CLTCL1: variants seen among roughly 807,000 people sequenced by gnomAD.
The protein encoded by CLTCL1 is clathrin heavy chain like 1, also known as clathrin heavy chain 2.
In CLTCL1, 159 loss-of-function variants were observed where a neutral mutation model predicts 190.0. That is an observed-to-expected ratio of 0.84 (90% CI 0.74 to 0.95). CLTCL1 has a LOEUF of 0.95. Among genes scored for constraint, CLTCL1 ranks in the 40% least tolerant of loss-of-function variants. The pLI, the probability that CLTCL1 is intolerant of heterozygous loss-of-function variation, is 0.00. For missense variants in CLTCL1, 1,878 were observed against 2,033.4 expected (o/e 0.92, Z 1.47); for synonymous variants, 752 against 769.6 (o/e 0.98, Z 0.38).
chr22:19,250,293 T>C (rs1202039404), intron 3 of CLTCL1, among the ~76,000 whole-genome samples: 1 of 151,004 alleles, frequency 6.6e-6, no homozygotes, highest in East Asian at 1.9e-4. Flanking sequence ...ACAAAACCTG[T>C]TTTTTGGGCA....
At chr22:19,228,500 T>A (rs754328508) in intron 11 of CLTCL1, among the ~76,000 whole-genome samples, 2 of 152,236 alleles carry the variant, frequency 1.3e-5, no homozygotes, top group Admixed American at 1.3e-4. Flanking sequence ...CACAAAGTCA[T>A]GAGAGTCCAG....
At chr22:19,249,668 C>T (rs1190104542) in intron 3 of CLTCL1, among the ~76,000 whole-genome samples, 1 of 151,888 alleles carries the variant, frequency 6.6e-6, no homozygotes, top group Non-Finnish European at 1.5e-5. Context: ...TGCACTCCAG[C>T]CTGGACAACA....
rs2084357560 is a variant in CLTCL1 at position 19,187,669 on chromosome 22, C to T, written c.4494G>A (p.Gln1498=). 6.2e-7 allele frequency: 1 copy of T among 1,613,884 alleles called. No individual in the cohort carries two copies. Among genetic ancestry groups the T allele is most frequent in the Non-Finnish European group, 8.5e-7 (1 of 1,179,898 alleles). ...ACTCCATCAGCTGATGCTTCTCCAG[C>T]TGCTGAGCCAGGCTGATGTTGTCAA... ...DNFDNISLAQ[Q]LEKHQLMEFR... The change falls in exon 29 of 33, where the codon CAG becomes CAA. Residue 1498 remains glutamine, a synonymous_variant. Transcript: ENST00000427926.
At chr22:19,230,084 AG>A in intron 10 of CLTCL1, 109 bp from the exon 11 acceptor site, 1 of 796,424 alleles carries the variant, frequency 1.3e-6, no homozygotes, top group African/African-American at 2.0e-5. Flanking sequence ...TTCAGCAATT[AG>A]TTCCCTCCCT....
At chr22:19,291,031 T>C (rs2088096726) in intron 1 of CLTCL1, among the ~76,000 whole-genome samples, 1 of 152,208 alleles carries the variant, frequency 6.6e-6, no homozygotes, top group Admixed American at 6.5e-5. Context: ...CTTATGTTTC[T>C]GAACACAAAC....
intron 23 of CLTCL1, among the ~76,000 whole-genome samples, chr22:19,200,427 G>A (rs1555938587): frequency 6.6e-6 from 1 of 152,202 alleles, no homozygotes; most frequent in African/African-American, 2.4e-5. Context: ...CATAAACACA[G>A]TGGAATTACA....
Position 19,226,434 on chromosome 22 carries a change from T to A in CLTCL1, c.1783-51A>T, listed in dbSNP as rs2085749669. Reference sequence around the variant, plus strand: ...AGCCCTGATCAATGGCAATAACTTTTTAAGACCAGCTGCTCAATCTTGCCC... The same window carrying A: ...AGCCCTGATCAATGGCAATAACTTTATAAGACCAGCTGCTCAATCTTGCCC... On this transcript the variant is annotated intron_variant, in intron 11 of 32. Transcript: ENST00000427926. 9.4e-6 allele frequency: 15 copies of A among 1,604,176 alleles called. No homozygotes were observed. In the South Asian group the frequency reaches 1.6e-4, roughly 17 times the overall value.
chr22:19,239,351 T>C lies in CLTCL1; in HGVS notation c.719A>G (p.Asn240Ser), dbSNP rs147685377. 2.9e-3 allele frequency: 4,713 copies of C among 1,613,986 alleles called. 11 individuals are homozygous for C. The highest frequency in any genetic ancestry group is 3.7e-3 in the Non-Finnish European group (4,326 of 1,179,856). The change falls in exon 5 of 33, where the codon AAC becomes AGC. Residue 240 changes from asparagine to serine, a missense_variant. Coordinates refer to ENST00000427926, the MANE Select transcript of CLTCL1 (RefSeq NM_007098.4). The stretch of plus-strand genomic sequence containing the variant: ...TACTGCTTTCTTTACAAAAGGTTGG[T>C]TTCCCGCTGCAGGCTGTCCAACTTC... ...IIEVGQPAAG[N>S]QPFVKKAVDV...
At chr22:19,205,546 T>G (rs1320345414) in intron 22 of CLTCL1, among the ~76,000 whole-genome samples, 1 of 152,190 alleles carries the variant, frequency 6.6e-6, no homozygotes, top group African/African-American at 2.4e-5. Context: ...TTGCCAGACA[T>G]TGGCTTTTGA....
intron 19 of CLTCL1, among the ~76,000 whole-genome samples, chr22:19,213,138 A>C (rs1256032102): frequency 6.6e-6 from 1 of 152,266 alleles, no homozygotes; most frequent in Admixed American, 6.5e-5. Context: ...AAAACCAAAC[A>C]ACCCAATTAA....
At chr22:19,213,304 T>TA (rs148667336) in intron 19 of CLTCL1, among the ~76,000 whole-genome samples, 3 of 152,084 alleles carry the variant, frequency 2.0e-5, no homozygotes, top group East Asian at 1.9e-4. Context: ...CTGGCTAAGA[T>TA]AAAAAAATAC....
chr22:19,220,037 C>T (rs1422391875), intron 17 of CLTCL1, 30 bp from the exon 18 acceptor site: 23 of 1,613,104 alleles, frequency 1.4e-5, no homozygotes, highest in Non-Finnish European at 1.9e-5. Flanking sequence ...GTGTGTGACA[C>T]AGCAGCCAAC....
rs1307940192 is a variant in CLTCL1, at chr22:19,234,600, C to T, written c.1076G>A (p.Gly359Glu). Residue 359 changes from glycine to glutamate, a missense_variant, in exon 7 of 33, where the codon GGG (glycine) becomes GAG (glutamate). Physicochemically the swap from Gly to Glu is moderately conservative, Grantham distance 98 (BLOSUM62 -2). Transcript: ENST00000427926. ...TTTTCTCACAAACAACTTCTCTGCCCCAGCCAGGTTACTACGAACGGCCAA... is the reference window on the plus strand; with the variant it reads ...TTTTCTCACAAACAACTTCTCTGCCTCAGCCAGGTTACTACGAACGGCCAA... ...LRLAVRSNLAGAEKLFVRKFN... is the reference protein window; with the variant it reads ...LRLAVRSNLAEAEKLFVRKFN... 12 of 1,613,996 alleles carry T rather than the reference C, an allele frequency of 7.4e-6. No individual in the cohort carries two copies. Among genetic ancestry groups the T allele is most frequent in the Non-Finnish European group, 1.0e-5 (12 of 1,179,884 alleles).
chr22:19,193,098 G>A (rs1263445311), intron 26 of CLTCL1, among the ~76,000 whole-genome samples: 1 of 151,908 alleles, frequency 6.6e-6, no homozygotes, highest in East Asian at 1.9e-4. Flanking sequence ...GGCTCCTCAG[G>A]CCTCCCGTGA....
In CLTCL1 at chr22:19,244,430, G is replaced by T. The variant is rs528999582; in HGVS notation, c.520-1494C>A. On this transcript the variant is annotated intron_variant, in intron 3 of 32. Transcript: ENST00000427926. ...AATAGATTAGTGGTTGCCAAAGGCT[G>T]GTAATAGGGAGAAATAAGGAGTAAA... Among the ~76,000 whole-genome samples, 6 of 152,264 alleles carry T rather than the reference G, an allele frequency of 3.9e-5. No homozygotes were observed. The East Asian group carries it at 9.7e-4, about 24-fold the overall frequency.
chr22:19,184,253 G>C (rs2084236758), intron 29 of CLTCL1: 1 of 330,234 alleles, frequency 3.0e-6, no homozygotes, highest in African/African-American at 2.2e-5. Flanking sequence ...CAGAGACCAG[G>C]AACCTGAGAC....
Position 19,273,973 on chromosome 22 carries a change from T to C in CLTCL1, c.250+1650A>G, listed in dbSNP as rs1230100054. Among the ~76,000 whole-genome samples the C allele has an allele frequency of 3.3e-5, 5 of 152,012 alleles. No individual in the cohort carries two copies. In the East Asian group the frequency reaches 5.8e-4, roughly 18 times the overall value. On this transcript the variant is annotated intron_variant, in intron 2 of 32. Coordinates refer to ENST00000427926, the MANE Select transcript of CLTCL1 (RefSeq NM_007098.4). ...GGAAGGGATTGACAACATCTAACTA[T>C]TGCGTTCTCTTTACTCCCCGACTCC...
chr22:19,196,728 C>T, intron 24 of CLTCL1, 72 bp from the exon 25 acceptor site: 3 of 1,519,098 alleles, frequency 2.0e-6, no homozygotes, highest in Non-Finnish European at 1.8e-6. Flanking sequence ...AGCCCATGCC[C>T]ACGCCGCAGG....
At position 19,253,869 on chromosome 22, in the gene CLTCL1, T is replaced by C. The variant is rs373537731; in HGVS notation, c.519+90A>G. ...GCATGAGCCACCGCACCTGGCCCTATAACCAACTTCTAATGATTTAACCAC... is the reference window on the plus strand; with the variant it reads ...GCATGAGCCACCGCACCTGGCCCTACAACCAACTTCTAATGATTTAACCAC... On this transcript the variant is annotated intron_variant, in intron 3 of 32. Coordinates refer to ENST00000427926, the MANE Select transcript of CLTCL1 (RefSeq NM_007098.4). The C allele has an allele frequency of 1.4e-3, 2,119 of 1,483,494 alleles. 49 individuals are homozygous for C. In the South Asian group the frequency reaches 0.026, roughly 18 times the overall value. The allele number at this position is 1,483,494 out of a possible 1,614,324, so 91.9% of individuals were successfully genotyped here. A position where few individuals can be genotyped will look rare whatever the true frequency, so the allele number is the denominator to read the frequency against.
Sources: allele counts gnomAD v4.1 joint callset (sites outside exome capture counted in the v4.1 genomes callset), GRCh38; gene constraint gnomAD v4.1.1; transcripts MANE v1.5; gene names NCBI Gene and HGNC (gene_info 2026-07-23, HGNC 2026-07-21).